UBE3C: variants seen among roughly 807,000 people sequenced by gnomAD.
UBE3C encodes the protein ubiquitin-protein ligase E3C.
In UBE3C, 42 loss-of-function variants were observed where a neutral mutation model predicts 129.4. That is an observed-to-expected ratio of 0.32 (90% confidence interval 0.25 to 0.42). The LOEUF is 0.42. Ranked by LOEUF, UBE3C falls within the 10% of genes least tolerant of loss-of-function variation. The pLI is 1.00. For synonymous variants in UBE3C, 510 were observed against 492.4 expected (o/e 1.04, Z -0.47); for missense variants, 1,049 against 1,319.1 (o/e 0.80, Z 3.17).
intron 10 of UBE3C, among the ~76,000 whole-genome samples, chr7:157,191,967 TA>T (rs1186458414): frequency 6.6e-6 from 1 of 152,232 alleles, no homozygotes; most frequent in African/African-American, 2.4e-5. Flanking sequence ...TGATTCATGT[TA>T]AAAATTGCAT....
At chr7:157,172,465 A>G (rs1222452242) in intron 4 of UBE3C, among the ~76,000 whole-genome samples, 2 of 152,200 alleles carry the variant, frequency 1.3e-5, no homozygotes, top group Non-Finnish European at 2.9e-5. Context: ...GAATGATCCT[A>G]CTTGAATTAA....
Position 157,170,443 on chromosome 7 carries a change from A to G in UBE3C, c.335A>G (p.Lys112Arg). The G allele has an allele frequency of 6.4e-7, 1 of 1,550,986 alleles. No homozygotes were observed. The highest frequency in any genetic ancestry group is 8.7e-7 in the Non-Finnish European group (1 of 1,154,130). ...LFFYKQNEDS[K>R]RLIWLYQNLI... ...TTTTACAAACAAAATGAAGACTCAA[A>G]ACGTTTGGTGAGTGTTAACTACATT... is the stretch of plus-strand genomic sequence containing the variant. The change falls in exon 4 of 23, where the codon AAA becomes AGA. Residue 112 changes from lysine to arginine, a missense_variant. Lys to Arg is a conservative substitution (Grantham distance 26). This residue lies in a region of UBE3C where 489 missense variants were observed against 513.8 expected (regional missense o/e 0.95). Coordinates refer to ENST00000348165, the MANE Select transcript of UBE3C (RefSeq NM_014671.3).
At chr7:157,175,056 G>A (rs766610071) in intron 5 of UBE3C, 22 bp downstream of exon 5, 2 of 1,553,758 alleles carry the variant, frequency 1.3e-6, no homozygotes, top group Non-Finnish European at 1.8e-6. Context: ...TTGTAAGTCA[G>A]TAACGTATAT....
At chr7:157,203,774 C>T (rs968327517) in intron 11 of UBE3C, among the ~76,000 whole-genome samples, 1 of 152,126 alleles carries the variant, frequency 6.6e-6, no homozygotes, top group African/African-American at 2.4e-5. Flanking sequence ...CCTCAAGAAA[C>T]TGACAGTGTA....
chr7:157,187,044 G>A, intron 10 of UBE3C, 23 bp downstream of exon 10: 2 of 1,561,816 alleles, frequency 1.3e-6, no homozygotes, highest in Non-Finnish European at 1.7e-6. Flanking sequence ...GGGCGTCTGT[G>A]CCAGGGGGTG....
intron 9 of UBE3C, among the ~76,000 whole-genome samples, chr7:157,184,976 T>C (rs1259887317): frequency 1.3e-5 from 2 of 152,238 alleles, no homozygotes; most frequent in Non-Finnish European, 2.9e-5. Context: ...ATGCTGGAAC[T>C]GTTGCATCTG....
rs529145083 is a variant in UBE3C at position 157,250,075 on chromosome 7, C to T, written c.2694+1495C>T. Reference sequence around the variant, plus strand: ...TTTCACTCAGATAAGGGATACTGACCCTGTGTGGTGAGAACAGGGGCAGGA... The same window carrying T: ...TTTCACTCAGATAAGGGATACTGACTCTGTGTGGTGAGAACAGGGGCAGGA... On this transcript the variant is annotated intron_variant, in intron 19 of 22. Transcript: ENST00000348165. 4.6e-5 allele frequency among the ~76,000 whole-genome samples: 7 copies of T among 152,268 alleles called. No homozygotes were observed. In the South Asian group the frequency reaches 8.3e-4, roughly 18 times the overall value.
At chr7:157,251,830 A>C (rs561031188) in intron 19 of UBE3C, among the ~76,000 whole-genome samples, 1 of 151,596 alleles carries the variant, frequency 6.6e-6, no homozygotes, top group South Asian at 2.1e-4. Flanking sequence ...AAAGTAGTGT[A>C]ACCGTTTAAA....
At chr7:157,177,064 T>G (rs1367399004) in intron 5 of UBE3C, among the ~76,000 whole-genome samples, 1 of 152,214 alleles carries the variant, frequency 6.6e-6, no homozygotes, top group African/African-American at 2.4e-5. Context: ...ATGGAATCAC[T>G]GGGTCACATA....
At chr7:157,172,835 G>A (rs891213199) in intron 4 of UBE3C, among the ~76,000 whole-genome samples, 2 of 152,232 alleles carry the variant, frequency 1.3e-5, no homozygotes, top group South Asian at 2.1e-4. Flanking sequence ...GGCAGGTGCT[G>A]TGAGATGTCG....
intron 22 of UBE3C, among the ~76,000 whole-genome samples, chr7:157,258,333 G>A (rs1796810144): frequency 6.6e-6 from 1 of 152,206 alleles, no homozygotes; most frequent in African/African-American, 2.4e-5. Context: ...GGCTGAGGTA[G>A]GAGGATTAGT....
intron 1 of UBE3C, among the ~76,000 whole-genome samples, chr7:157,152,579 T>C (rs2116819617): frequency 6.6e-6 from 1 of 152,332 alleles, no homozygotes; most frequent in Admixed American, 6.5e-5. Context: ...TTTTCGTTTA[T>C]GAGCTCATTG....
At chr7:157,205,411 G>C (rs964034087) in intron 11 of UBE3C, among the ~76,000 whole-genome samples, 2 of 152,122 alleles carry the variant, frequency 1.3e-5, no homozygotes, top group African/African-American at 4.8e-5. Context: ...TGTGTTGGTG[G>C]TGATGATTCT....
At chr7:157,265,906 ATCTT>A (rs796521817) in intron 22 of UBE3C, among the ~76,000 whole-genome samples, 5 of 152,290 alleles carry the variant, frequency 3.3e-5, no homozygotes, top group African/African-American at 1.2e-4. Flanking sequence ...TTCCCTGATC[ATCTT>A]TCTTTTTTGT....
intron 4 of UBE3C, among the ~76,000 whole-genome samples, chr7:157,171,682 ATATATTTTTTTTTTTTTTTTTTTT>A (rs1356666084): frequency 0.011 from 481 of 44,950 alleles, 14 homozygotes; most frequent in African/African-American, 0.035. Context: ...ATATATATAT[ATATATTTTTTTTTTTTTTTTTTTT>A]TTTTTTTTTT....
intron 3 of UBE3C, among the ~76,000 whole-genome samples, chr7:157,169,529 C>G (rs980150185): frequency 3.9e-5 from 6 of 152,114 alleles, no homozygotes; most frequent in Non-Finnish European, 8.8e-5. Flanking sequence ...GCATGTGCCA[C>G]CACGTGCAGC....
chr7:157,230,019 C>T (rs150913410), intron 17 of UBE3C, among the ~76,000 whole-genome samples: 3,962 of 152,104 alleles, frequency 0.026, 195 homozygotes, highest in African/African-American at 0.091. Context: ...AGTGATTCTC[C>T]GGCCTCAGCC....
chr7:157,247,479 C>T (rs750749749), intron 18 of UBE3C, among the ~76,000 whole-genome samples: 5 of 152,130 alleles, frequency 3.3e-5, no homozygotes, highest in African/African-American at 9.6e-5. Flanking sequence ...ATCACCTGAG[C>T]TCAGGAGTTT....
intron 22 of UBE3C, among the ~76,000 whole-genome samples, chr7:157,264,601 G>T (rs1322242120): frequency 6.6e-6 from 1 of 152,102 alleles, no homozygotes; most frequent in South Asian, 2.1e-4. Flanking sequence ...ATATTTTTAA[G>T]ACAGAGTTTC....
Sources: allele counts gnomAD v4.1 joint callset (sites outside exome capture counted in the v4.1 genomes callset), GRCh38; gene constraint gnomAD v4.1.1; regional missense constraint gnomAD v4.1.1; transcripts MANE v1.5; gene names NCBI Gene and HGNC (gene_info 2026-07-23, HGNC 2026-07-21).